The following ERC2 variants were observed in gnomAD, a reference collection of about 807,000 sequenced individuals.
ERC2 encodes ELKS/RAB6-interacting/CAST family member 2.
In ERC2, 42 loss-of-function variants were observed where a neutral mutation model predicts 114.8. That is an observed-to-expected ratio of 0.37 (90% CI 0.29 to 0.47). ERC2 has a LOEUF of 0.47. ERC2 is among the 20% of genes least tolerant of loss of function. The pLI, the probability that ERC2 is intolerant of heterozygous loss-of-function variation, is 0.99. For synonymous variants in ERC2, 454 were observed against 425.5 expected, an observed-to-expected ratio of 1.07 and a Z score of -0.82; for missense variants, 939 against 1,150.7, an observed-to-expected ratio of 0.82 and a Z score of 2.66.
chr3:56,398,423 T>G (rs919257668), intron 2 of ERC2, among the ~76,000 whole-genome samples: 2 of 152,172 alleles, frequency 1.3e-5, no homozygotes, highest in Non-Finnish European at 2.9e-5. Context: ...GATATTAGAA[T>G]TTCAGATAAA....
intron 2 of ERC2, among the ~76,000 whole-genome samples, chr3:56,328,872 A>G (rs1453770634): frequency 6.6e-6 from 1 of 152,216 alleles, no homozygotes; most frequent in Non-Finnish European, 1.5e-5. Flanking sequence ...GAGAAGAGAG[A>G]GAAAAAAGCC....
chr3:55,733,802 G>A (rs911322377), intron 15 of ERC2, among the ~76,000 whole-genome samples: 8 of 152,168 alleles, frequency 5.3e-5, no homozygotes, highest in Admixed American at 6.5e-5. Flanking sequence ...CCCAGGGGCT[G>A]AGTCAATATG....
chr3:56,445,592 T>C (rs2062523194), intron 1 of ERC2, among the ~76,000 whole-genome samples: 1 of 152,214 alleles, frequency 6.6e-6, no homozygotes, highest in Admixed American at 6.5e-5. Flanking sequence ...TAAAGCTTCC[T>C]ATTGCTCTGT....
At chr3:55,883,320 A>C (rs1188506083) in intron 14 of ERC2, among the ~76,000 whole-genome samples, 1 of 152,232 alleles carries the variant, frequency 6.6e-6, no homozygotes, top group Non-Finnish European at 1.5e-5. Flanking sequence ...GAGAAGCCAA[A>C]GAAGAATGGT....
intron 3 of ERC2, among the ~76,000 whole-genome samples, chr3:56,216,989 T>C (rs1241273695): frequency 6.6e-6 from 1 of 152,138 alleles, no homozygotes; most frequent in Non-Finnish European, 1.5e-5. Context: ...ATGGGACGTA[T>C]CTCAAAATAA....
chr3:56,385,924 A>G lies in ERC2; in HGVS notation c.657+48427T>C, dbSNP rs79936134. 6.5e-3 allele frequency among the ~76,000 whole-genome samples: 988 copies of G among 152,290 alleles called. 10 individuals are homozygous for G. Among genetic ancestry groups the G allele is most frequent in the African/African-American group, 0.022 (934 of 41,578 alleles). On this transcript the variant is annotated intron_variant, in intron 2 of 17. Transcript: ENST00000288221. ...GGCCTGAATTGCAGAGTAGAGTATG[A>G]GATGTAATTTGGTTCTTAGGGCATC...
At chr3:56,018,444 G>A (rs2073458080) in intron 8 of ERC2, among the ~76,000 whole-genome samples, 1 of 152,068 alleles carries the variant, frequency 6.6e-6, no homozygotes, top group African/African-American at 2.4e-5. Context: ...GAAGGAGTAT[G>A]GTACAGTTGA....
intron 14 of ERC2, among the ~76,000 whole-genome samples, chr3:55,863,070 A>C (rs1220500630): frequency 6.6e-6 from 1 of 152,094 alleles, no homozygotes; most frequent in Non-Finnish European, 1.5e-5. Flanking sequence ...ATTCACTTAA[A>C]TTACCTTCTT....
chr3:55,936,940 C>A (rs749169494), intron 13 of ERC2, among the ~76,000 whole-genome samples: 1 of 152,186 alleles, frequency 6.6e-6, no homozygotes, highest in Non-Finnish European at 1.5e-5. Context: ...TACCATCACC[C>A]GAAACTTATC....
At chr3:55,722,139 T>G (rs2064599834) in intron 15 of ERC2, among the ~76,000 whole-genome samples, 1 of 152,186 alleles carries the variant, frequency 6.6e-6, no homozygotes, top group Non-Finnish European at 1.5e-5. Flanking sequence ...AAAGATCATT[T>G]GAATGAAGAT....
intron 17 of ERC2, among the ~76,000 whole-genome samples, chr3:55,519,125 G>A (rs1413682815): frequency 6.6e-6 from 1 of 152,188 alleles, no homozygotes; most frequent in African/African-American, 2.4e-5. Flanking sequence ...TCTCTGAGCT[G>A]CCTGAGGTTA....
At chr3:56,009,255 G>A (rs1043430986) in intron 9 of ERC2, among the ~76,000 whole-genome samples, 1 of 152,114 alleles carries the variant, frequency 6.6e-6, no homozygotes, top group African/African-American at 2.4e-5. Flanking sequence ...ATCTTCTGTC[G>A]CATACAAACA....
chr3:56,111,412 C>G (rs1168971347), intron 6 of ERC2, among the ~76,000 whole-genome samples: 1 of 151,526 alleles, frequency 6.6e-6, no homozygotes, highest in Non-Finnish European at 1.5e-5. Context: ...TCTCTCAGTT[C>G]TATCCCCCCC....
chr3:56,255,591 A>G (rs886918561), intron 3 of ERC2, among the ~76,000 whole-genome samples: 1 of 152,104 alleles, frequency 6.6e-6, no homozygotes, highest in Non-Finnish European at 1.5e-5. Context: ...CAGCCTAGAT[A>G]CTTTCGAGAA....
At chr3:55,557,912 G>T (rs916811634) in intron 17 of ERC2, among the ~76,000 whole-genome samples, 2 of 152,356 alleles carry the variant, frequency 1.3e-5, no homozygotes, top group Middle Eastern at 3.4e-3. Context: ...CAGGGCTCAA[G>T]GCCTCCCAGT....
chr3:56,118,196 G>A (rs2079356807), intron 6 of ERC2, among the ~76,000 whole-genome samples: 1 of 152,178 alleles, frequency 6.6e-6, no homozygotes, highest in South Asian at 2.1e-4. Flanking sequence ...TATTTATAGG[G>A]ACCATGCTGA....
At chr3:56,053,071 GGC>G (rs2075843631) in intron 7 of ERC2, among the ~76,000 whole-genome samples, 1 of 152,166 alleles carries the variant, frequency 6.6e-6, no homozygotes, top group South Asian at 2.1e-4. Context: ...AACTCCACAT[GGC>G]GAGGCAGCAC....
At chr3:55,854,927 T>C (rs1464300213) in intron 14 of ERC2, among the ~76,000 whole-genome samples, 1 of 152,124 alleles carries the variant, frequency 6.6e-6, no homozygotes, top group Non-Finnish European at 1.5e-5. Context: ...AGCTCAGCTG[T>C]AAATAGAGAC....
intron 4 of ERC2, among the ~76,000 whole-genome samples, chr3:56,171,180 G>A (rs868386032): frequency 6.6e-6 from 1 of 152,164 alleles, no homozygotes; most frequent in Non-Finnish European, 1.5e-5. Context: ...GGGTCAGTTC[G>A]ATTTGGTAGT....
Sources: gnomAD v4.1 joint callset for allele counts (sites outside exome capture counted in the v4.1 genomes callset) on GRCh38, gnomAD v4.1.1 for gene constraint, MANE v1.5 for transcripts, NCBI Gene and HGNC (gene_info 2026-07-23, HGNC 2026-07-21) for gene names.